The following UNC13C variants were observed in gnomAD, a reference collection of about 807,000 sequenced individuals.
The protein encoded by UNC13C is unc-13 homolog C, also known as protein unc-13 homolog C.
In UNC13C, 174 loss-of-function variants were observed where a neutral mutation model predicts 245.4. That is an observed-to-expected ratio of 0.71 (90% CI 0.63 to 0.80). The LOEUF (loss-of-function observed/expected upper bound fraction) is 0.80, where lower values mean the gene tolerates loss of function less well. Ranked by LOEUF, UNC13C falls within the 30% of genes least tolerant of loss-of-function variation. The pLI, the probability that UNC13C is intolerant of heterozygous loss-of-function variation, is 0.00. For synonymous variants in UNC13C, 992 were observed against 895.1 expected (o/e 1.11, Z -1.93); for missense variants, 2,829 against 2,602.9 (o/e 1.09, Z -1.89).
At chr15:53,920,458 G>C in the UNC13C span, among the ~76,000 whole-genome samples, 3 of 152,128 alleles carry the variant, frequency 2.0e-5, no homozygotes, top group South Asian at 2.1e-4. Context: ...GCAGGCTGAG[G>C]CAGGAAAACT....
At chr15:54,001,420 G>A (rs12443437) in intron 1 of UNC13C, among the ~76,000 whole-genome samples, 9 of 152,024 alleles carry the variant, frequency 5.9e-5, no homozygotes, top group East Asian at 3.9e-4. Context: ...GATTTTTATC[G>A]TCCTCACGAA....
chr15:54,272,556 G>T (rs1319285736), intron 10 of UNC13C, among the ~76,000 whole-genome samples: 2 of 152,146 alleles, frequency 1.3e-5, no homozygotes, highest in East Asian at 3.8e-4. Flanking sequence ...ACAGAAGATG[G>T]TTCCACAGTT....
chr15:54,468,093 G>A (rs1035787056), intron 19 of UNC13C, among the ~76,000 whole-genome samples: 2 of 151,538 alleles, frequency 1.3e-5, no homozygotes, highest in Admixed American at 6.6e-5. Context: ...GCATGTATGG[G>A]TCCACTTTTA....
intron 19 of UNC13C, among the ~76,000 whole-genome samples, chr15:54,438,783 A>G (rs560475271): frequency 3.9e-5 from 6 of 151,940 alleles, no homozygotes; most frequent in African/African-American, 1.4e-4. Flanking sequence ...TTTCTCCTGT[A>G]TATCCTATTT....
chr15:54,179,035 C>T (rs919259557), intron 4 of UNC13C, among the ~76,000 whole-genome samples: 2 of 152,068 alleles, frequency 1.3e-5, no homozygotes, highest in Admixed American at 6.6e-5. Context: ...TACCAGTTTC[C>T]GAAGAGGAAG....
chr15:54,552,936 T>A (rs62651191), intron 28 of UNC13C, among the ~76,000 whole-genome samples: 16 of 20,480 alleles, frequency 7.8e-4, no homozygotes, highest in African/African-American at 1.3e-3. Flanking sequence ...CTATATTACA[T>A]TATATAATAT....
chr15:54,063,310 G>A (rs574804281), intron 2 of UNC13C, among the ~76,000 whole-genome samples: 157 of 152,212 alleles, frequency 1.0e-3, no homozygotes, highest in African/African-American at 3.5e-3. Flanking sequence ...AGACACACAC[G>A]AAGCTGAGTA....
chr15:54,591,353 C>T (rs1352937805), intron 30 of UNC13C, among the ~76,000 whole-genome samples: 1 of 152,082 alleles, frequency 6.6e-6, no homozygotes, highest in African/African-American at 2.4e-5. Context: ...GGAATAGTGT[C>T]AAAAGGATTG....
At position 54,411,504 on chromosome 15, in the gene UNC13C, T is replaced by G. The variant is rs145528198; in HGVS notation, c.4848-3478T>G. Among the ~76,000 whole-genome samples, 346 of 152,270 alleles carry G rather than the reference T, an allele frequency of 2.3e-3. 4 individuals are homozygous for G. Among genetic ancestry groups the G allele is most frequent in the African/African-American group, 7.8e-3 (324 of 41,572 alleles). On this transcript the variant is annotated intron_variant, in intron 18 of 32. Coordinates refer to ENST00000260323, the MANE Select transcript of UNC13C (RefSeq NM_001080534.3). Reference sequence around the variant, plus strand: ...ATTTTGGTCTGTGGTCCTTTTTGAGTTAAATGTTTAATTTGTTGCAAGGTA... The same window carrying G: ...ATTTTGGTCTGTGGTCCTTTTTGAGGTAAATGTTTAATTTGTTGCAAGGTA...
At chr15:54,050,000 C>A (rs983026393) in intron 2 of UNC13C, 2 of 228,136 alleles carry the variant, frequency 8.8e-6, no homozygotes, top group Non-Finnish European at 1.8e-5. Flanking sequence ...GACAGAGTCT[C>A]ACTCTGTCTC....
Position 54,013,930 on chromosome 15 carries a change from A to G in UNC13C, c.1027A>G (p.Ile343Val). 4 of 1,613,288 alleles carry G rather than the reference A, an allele frequency of 2.5e-6. No individual in the cohort carries two copies. The highest frequency in any genetic ancestry group is 3.4e-6 in the Non-Finnish European group (4 of 1,179,694). The change falls in exon 2 of 33, where the codon ATA becomes GTA. Residue 343 changes from isoleucine to valine, a missense_variant. Ile to Val is a conservative substitution (Grantham distance 29). Coordinates refer to ENST00000260323, the MANE Select transcript of UNC13C (RefSeq NM_001080534.3). ...TGAAAGCGTGGTGTACCAAATTCTA[A>G]TAGATAAAATGGGTTTTTCAGATGC... ...YVESVVYQIL[I>V]DKMGFSDAPN...
chr15:53,951,380 C>T, the UNC13C span, among the ~76,000 whole-genome samples: 1 of 152,182 alleles, frequency 6.6e-6, no homozygotes, highest in Non-Finnish European at 1.5e-5. Flanking sequence ...ATAATCAAGC[C>T]ATTTTTTGGG....
intron 2 of UNC13C, among the ~76,000 whole-genome samples, chr15:54,117,100 T>C (rs12912531): frequency 0.23 from 35,493 of 152,022 alleles, 4,504 homozygotes; most frequent in East Asian, 0.4. Flanking sequence ...TTGCCCATTT[T>C]TGCTTCCGAT....
chr15:54,502,534 C>A lies in UNC13C; in HGVS notation c.5301+1556C>A, dbSNP rs143357307. Among the ~76,000 whole-genome samples, 87 of 152,154 alleles carry A rather than the reference C, an allele frequency of 5.7e-4. 1 individual carries two copies. Among genetic ancestry groups the A allele is most frequent in the Middle Eastern group, 3.4e-3 (1 of 294 alleles). ...AGATGATTCTAATTTCCCAATATAGCGAAATCTGTAGAGCATAATTCTAAA... is the reference window on the plus strand; with the variant it reads ...AGATGATTCTAATTTCCCAATATAGAGAAATCTGTAGAGCATAATTCTAAA... On this transcript the variant is annotated intron_variant, in intron 22 of 32. Transcript: ENST00000260323.
intron 3 of UNC13C, among the ~76,000 whole-genome samples, chr15:54,143,406 C>T (rs1169299477): frequency 1.3e-5 from 2 of 152,156 alleles, no homozygotes; most frequent in Non-Finnish European, 2.9e-5. Context: ...TTCCGGGACT[C>T]TGCCAGTGCA....
chr15:54,540,121 G>T (rs1386456028), intron 26 of UNC13C, among the ~76,000 whole-genome samples: 1 of 151,964 alleles, frequency 6.6e-6, no homozygotes, highest in Non-Finnish European at 1.5e-5. Context: ...TATTGATTCT[G>T]TTTTCAAGGA....
At chr15:54,004,900 G>A (rs977061656) in intron 1 of UNC13C, among the ~76,000 whole-genome samples, 8 of 152,008 alleles carry the variant, frequency 5.3e-5, no homozygotes, top group Non-Finnish European at 7.4e-5. Context: ...TATATATTCC[G>A]GTTATTAATC....
At chr15:54,594,986 G>A (rs1898997979) in intron 30 of UNC13C, among the ~76,000 whole-genome samples, 2 of 152,250 alleles carry the variant, frequency 1.3e-5, no homozygotes, top group Non-Finnish European at 1.5e-5. Flanking sequence ...TCTTAGGGCA[G>A]ATGGAAGGAG....
intron 32 of UNC13C, 37 bp from the exon 33 acceptor site, chr15:54,626,791 A>G: frequency 6.4e-7 from 1 of 1,574,464 alleles, no homozygotes; most frequent in Non-Finnish European, 8.6e-7. Flanking sequence ...GTGGAAGTAA[A>G]GTTTTTGCTC....
Sources: allele counts gnomAD v4.1 joint callset (sites outside exome capture counted in the v4.1 genomes callset), GRCh38; gene constraint gnomAD v4.1.1; transcripts MANE v1.5; gene names NCBI Gene and HGNC (gene_info 2026-07-23, HGNC 2026-07-21).